The following MACO1 variants were observed in gnomAD, a reference collection of about 807,000 sequenced individuals.
MACO1 encodes the protein macoilin 1, also known as macoilin.
MACO1 carries 14 observed loss-of-function variants against 78.7 expected under a neutral mutation model. The ratio of observed to expected loss-of-function variants is 0.18; its 90% CI spans 0.12 to 0.28. The LOEUF (loss-of-function observed/expected upper bound fraction) is 0.28. MACO1 is among the 10% of genes least tolerant of loss of function. The pLI is 1.00. For synonymous variants in MACO1, 288 were observed against 291.6 expected (o/e 0.99, Z 0.12); for missense variants, 501 against 799.0 (o/e 0.63, Z 4.50).
chr1:25,441,099 C>T (rs184095369), intron 1 of MACO1, among the ~76,000 whole-genome samples: 5 of 152,314 alleles, frequency 3.3e-5, no homozygotes, highest in Admixed American at 3.3e-4. Flanking sequence ...ACCTGTGTGT[C>T]ATCTCTCCCT....
chr1:25,460,896 G>A (rs2043164958), intron 6 of MACO1, among the ~76,000 whole-genome samples: 1 of 151,964 alleles, frequency 6.6e-6, no homozygotes, highest in Admixed American at 6.6e-5. Context: ...ATGACTAATA[G>A]ACAACATTAT....
chr1:25,480,815 C>T (rs575472798), intron 6 of MACO1, among the ~76,000 whole-genome samples: 7 of 150,020 alleles, frequency 4.7e-5, no homozygotes, highest in East Asian at 3.9e-4. Flanking sequence ...CCTGTAATCC[C>T]GGCTACTCGG....
At chr1:25,479,262 T>G (rs2043349311) in intron 6 of MACO1, among the ~76,000 whole-genome samples, 1 of 152,202 alleles carries the variant, frequency 6.6e-6, no homozygotes, top group Non-Finnish European at 1.5e-5. Context: ...TCTTTGTACT[T>G]CACACTAATA....
At chr1:25,458,075 A>G (rs956231443) in intron 5 of MACO1, among the ~76,000 whole-genome samples, 1 of 152,224 alleles carries the variant, frequency 6.6e-6, no homozygotes, top group Non-Finnish European at 1.5e-5. Context: ...TGATTTGACT[A>G]ATACACAAAG....
intron 1 of MACO1, among the ~76,000 whole-genome samples, chr1:25,441,054 G>A (rs756789511): frequency 1.3e-5 from 2 of 152,176 alleles, no homozygotes; most frequent in African/African-American, 2.4e-5. Flanking sequence ...TATCTTGGTT[G>A]TTGTTGCTTT....
intron 1 of MACO1, among the ~76,000 whole-genome samples, chr1:25,445,472 A>G (rs892467145): frequency 2.0e-5 from 3 of 152,178 alleles, no homozygotes; most frequent in East Asian, 1.9e-4. Context: ...TTGAGGGTCA[A>G]ATGTTTCTGT....
At chr1:25,496,912 C>T (rs960092974) in intron 10 of MACO1, among the ~76,000 whole-genome samples, 25 of 152,190 alleles carry the variant, frequency 1.6e-4, no homozygotes, top group Admixed American at 9.8e-4. Flanking sequence ...CTTCTCTATG[C>T]CTCAGTTTCC....
rs1033160956 is a variant in MACO1 at position 25,499,598 on chromosome 1, C to A, written c.*1132C>A. The A allele has an allele frequency of 7.2e-6, 1 of 138,000 alleles. No individual in the cohort carries two copies. The allele number at this position is 138,000 out of a possible 1,614,324, so 8.5% of individuals were successfully genotyped here. A position where few individuals can be genotyped will look rare whatever the true frequency, so the allele number is the denominator to read the frequency against. On this transcript the variant is annotated 3_prime_UTR_variant, in exon 11 of 11. Transcript: ENST00000374343. ...TAAGACTCTTAAACTCAAAACTCTG[C>A]ACAAAGATTTCAGTTTCAAATGTGT...
rs2043497957 is a variant in MACO1 at position 25,492,737 on chromosome 1, C to T, written c.1792+1153C>T. Among the ~76,000 whole-genome samples the T allele has an allele frequency of 2.0e-5, 3 of 151,916 alleles. No homozygotes were observed. The South Asian group carries it at 6.2e-4, about 32-fold the overall frequency. On this transcript the variant is annotated intron_variant, in intron 10 of 10. Coordinates refer to ENST00000374343, the MANE Select transcript of MACO1 (RefSeq NM_018202.6). ...GAGAAAAATAAATTTGGATTTTTGT[C>T]CAAGAAATTGATTAGCTATCCAACC...
chr1:25,493,363 C>T (rs1557678248), intron 10 of MACO1, among the ~76,000 whole-genome samples: 1 of 152,066 alleles, frequency 6.6e-6, no homozygotes, highest in Non-Finnish European at 1.5e-5. Flanking sequence ...CTCAGCCTCT[C>T]CCTAGTAGCT....
At chr1:25,488,731 TGCCTTG>T (rs970244966) in intron 8 of MACO1, among the ~76,000 whole-genome samples, 4 of 152,184 alleles carry the variant, frequency 2.6e-5, no homozygotes, top group African/African-American at 9.7e-5. Flanking sequence ...GTGATCCACC[TGCCTTG>T]GCCTCCCAAA....
At chr1:25,493,260 A>G (rs1408945956) in intron 10 of MACO1, among the ~76,000 whole-genome samples, 1 of 152,192 alleles carries the variant, frequency 6.6e-6, no homozygotes, top group East Asian at 1.9e-4. Context: ...TATTTTCAAG[A>G]CAGGGTCTTG....
At chr1:25,474,756 A>G (rs1303734471) in intron 6 of MACO1, among the ~76,000 whole-genome samples, 2 of 152,208 alleles carry the variant, frequency 1.3e-5, no homozygotes, top group Admixed American at 6.5e-5. Flanking sequence ...CTGTGTTCTC[A>G]GAGCACAAAA....
rs1405794212 is a variant in MACO1 at position 25,431,487 on chromosome 1, T to C, written c.80+309T>C. 2.1e-4 allele frequency among the ~76,000 whole-genome samples: 32 copies of C among 151,028 alleles called. 1 individual carries two copies. The highest frequency in any genetic ancestry group is 2.1e-3 in the Admixed American group (32 of 15,200). ...CGGAGAGCCCCCAACCAGCCCGGCG[T>C]TCCTCAGCATCCCGGCCATGCCGCT... On this transcript the variant is annotated intron_variant, in intron 1 of 10. Transcript: ENST00000374343.
intron 6 of MACO1, among the ~76,000 whole-genome samples, chr1:25,474,903 G>T (rs1336787815): frequency 6.6e-6 from 1 of 152,178 alleles, no homozygotes; most frequent in East Asian, 1.9e-4. Flanking sequence ...CTCCTCTCCT[G>T]CAGTCAGTGT....
intron 6 of MACO1, among the ~76,000 whole-genome samples, chr1:25,465,296 T>G (rs2043208720): frequency 6.6e-6 from 1 of 152,168 alleles, no homozygotes; most frequent in Non-Finnish European, 1.5e-5. Context: ...TGGACATAAG[T>G]TTTCAGCTTC....
Position 25,458,768 on chromosome 1 carries a change from C to G in MACO1, c.1030C>G (p.Pro344Ala). The G allele has an allele frequency of 6.2e-7, 1 of 1,614,110 alleles. No individual in the cohort carries two copies. Among genetic ancestry groups the G allele is most frequent in the Non-Finnish European group, 8.5e-7 (1 of 1,180,024 alleles). ...RSHSATNGSI[P>A]SSSSKNEKKQ... ...TCATAGCGCCACAAATGGGAGCATT[C>G]CTTCCTCATCTAGTAAAAATGAGAA... The change falls in exon 6 of 11, where the codon CCT becomes GCT. Residue 344 changes from proline to alanine, a missense_variant. This residue lies in a region of MACO1 where 163 missense variants were observed against 271.9 expected (regional missense o/e 0.60). Transcript: ENST00000374343.
At chr1:25,435,389 A>T (rs2042910299) in intron 1 of MACO1, among the ~76,000 whole-genome samples, 1 of 152,130 alleles carries the variant, frequency 6.6e-6, no homozygotes, top group Non-Finnish European at 1.5e-5. Flanking sequence ...TCAGAGAAAA[A>T]TTCTCTGGTC....
rs775581683 is a variant in MACO1, at chr1:25,458,776, A to G, written c.1038A>G (p.Ser346=). The G allele has an allele frequency of 6.2e-6, 10 of 1,614,060 alleles. No homozygotes were observed. The African/African-American group carries it at 1.3e-4, about 22-fold the overall frequency. Residue 346 remains serine, a synonymous_variant, in exon 6 of 11, where the codon TCA becomes TCG. Transcript: ENST00000374343. ...HSATNGSIPS[S]SSKNEKKQKC... ...CCACAAATGGGAGCATTCCTTCCTCATCTAGTAAAAATGAGAAGAAGCAGA... is the reference window on the plus strand; with the variant it reads ...CCACAAATGGGAGCATTCCTTCCTCGTCTAGTAAAAATGAGAAGAAGCAGA...
Sources: allele counts gnomAD v4.1 joint callset (sites outside exome capture counted in the v4.1 genomes callset), GRCh38; gene constraint gnomAD v4.1.1; regional missense constraint gnomAD v4.1.1; transcripts MANE v1.5; gene names NCBI Gene and HGNC (gene_info 2026-07-23, HGNC 2026-07-21).